Variants in VWCE observed in about 807,000 individuals in gnomAD.
The protein encoded by VWCE is von Willebrand factor C and EGF domains.
In VWCE, 68 loss-of-function variants were observed where a neutral mutation model predicts 102.9. The observed-to-expected ratio is 0.66, with a 90% CI of 0.54 to 0.81. VWCE has a LOEUF of 0.81. Ranked by LOEUF, VWCE falls within the 30% of genes least tolerant of loss-of-function variation. The pLI is 0.00. For synonymous variants in VWCE, 497 were observed against 515.4 expected (o/e 0.96, Z 0.48); for missense variants, 1,137 against 1,263.6 (o/e 0.90, Z 1.52).
At position 61,291,523 on chromosome 11, in the gene VWCE, G is replaced by T; in HGVS notation, c.164C>A (p.Pro55His). The T allele has an allele frequency of 6.6e-7, 1 of 1,511,572 alleles. No individual in the cohort carries two copies. Among genetic ancestry groups the T allele is most frequent in the Non-Finnish European group, 8.9e-7 (1 of 1,124,560 alleles). 93.6% of individuals were successfully genotyped at this position (1,511,572 alleles called of 1,614,324 possible). Residue 55 changes from proline to histidine, a missense_variant, in exon 2 of 20, where the codon CCT becomes CAT. Coordinates refer to ENST00000335613, the MANE Select transcript of VWCE (RefSeq NM_152718.2). Reference sequence around the variant, plus strand: ...ACCACCCATAGAGGGCGCCCAGCCAGGGCAGCAGCCACTCCCAAACCCAGA... The same window carrying T: ...ACCACCCATAGAGGGCGCCCAGCCATGGCAGCAGCCACTCCCAAACCCAGA... ...CLSGFGSGCC[P>H]GWAPSMGGGH...
chr11:61,274,261 T>G (rs1026075285), intron 12 of VWCE, among the ~76,000 whole-genome samples: 4 of 152,114 alleles, frequency 2.6e-5, no homozygotes, highest in Non-Finnish European at 5.9e-5. Flanking sequence ...GGGGCTTCCT[T>G]GTGCTTAGCT....
rs771293463 is a variant in VWCE at position 61,290,856 on chromosome 11, G to A, written c.367C>T (p.Arg123Ter). 6.8e-6 allele frequency: 11 copies of A among 1,612,734 alleles called. No homozygotes were observed. Among genetic ancestry groups the A allele is most frequent in the South Asian group, 2.2e-5 (2 of 91,038 alleles). The part of the protein sequence containing the change: ...CNHGGCQEVA[R>*]VCPVGFSMTE... ...ATCGAGAAGCCCACGGGGCACACTC[G>A]GGCCACCTCCTGACAGCCTCCATGG... is the stretch of plus-strand genomic sequence containing the variant. Residue 123 changes from arginine to a stop codon, truncating the protein, a stop_gained, in exon 4 of 20, where the codon CGA (arginine) becomes TGA (stop). Transcript: ENST00000335613. LOFTEE classifies it high-confidence loss of function.
intron 14 of VWCE, chr11:61,269,428 CCATA>C (rs1854606751): frequency 1.8e-5 from 3 of 165,896 alleles, no homozygotes; most frequent in Non-Finnish European, 3.9e-5. Context: ...AGCCAAAGTG[CCATA>C]CAAGGTTTCT....
intron 9 of VWCE, among the ~76,000 whole-genome samples, chr11:61,278,820 CACAAGGTCA>C (rs1565224804): frequency 6.6e-6 from 1 of 152,122 alleles, no homozygotes. Context: ...GCGGGCAGAC[CACAAGGTCA>C]GGAGTTTGAG....
rs774382110 is a variant in VWCE, at chr11:61,259,301, G to A, written c.2242C>T (p.Pro748Ser). The change falls in exon 20 of 20, where the codon CCT becomes TCT. Residue 748 changes from proline to serine, a missense_variant. By Grantham distance (74) the Pro-to-Ser change is moderately conservative. This residue lies in a region of VWCE where 316 missense variants were observed against 319.3 expected (regional missense o/e 0.99). Coordinates refer to ENST00000335613, the MANE Select transcript of VWCE (RefSeq NM_152718.2). Reference sequence around the variant, plus strand: ...GAGAGCCCCTGCTTTTCTTCCAGAGGAGACAGGGAATCTAGAGAGACGAGG... The same window carrying A: ...GAGAGCCCCTGCTTTTCTTCCAGAGAAGACAGGGAATCTAGAGAGACGAGG... The part of the protein sequence containing the change: ...CCSSCPDSLS[P>S]LEEKQGLSPH... 4.4e-6 allele frequency: 7 copies of A among 1,581,798 alleles called. No individual in the cohort carries two copies. The highest frequency in any genetic ancestry group is 6.0e-6 in the Non-Finnish European group (7 of 1,163,394).
intron 9 of VWCE, among the ~76,000 whole-genome samples, chr11:61,279,603 T>C (rs1590640301): frequency 3.9e-5 from 6 of 151,966 alleles, no homozygotes; most frequent in African/African-American, 1.4e-4. Context: ...AACCAGTGCA[T>C]TTCCATTTTA....
chr11:61,281,767 G>T lies in VWCE; in HGVS notation c.787+19C>A. 3.8e-6 allele frequency: 6 copies of T among 1,599,204 alleles called. No individual in the cohort carries two copies. The highest frequency in any genetic ancestry group is 5.1e-6 in the Non-Finnish European group (6 of 1,170,648). ...AGGGGGCGTGGCCAGCCGCCGGGAT[G>T]GAGGGGCCTGGCGCTCACCTTCACA... On this transcript the variant is annotated intron_variant, in intron 7 of 19. Coordinates refer to ENST00000335613, the MANE Select transcript of VWCE (RefSeq NM_152718.2).
intron 10 of VWCE, 77 bp downstream of exon 10, chr11:61,278,317 G>A (rs142080170): frequency 2.2e-5 from 33 of 1,489,314 alleles, no homozygotes; most frequent in East Asian, 9.1e-5. Context: ...TTTAACATCC[G>A]GTCTTTTCCC....
Position 61,258,826 on chromosome 11 carries a change from G to T in VWCE, c.2717C>A (p.Pro906His), listed in dbSNP as rs1337659911. ...GGTGATGGGGGTCTTCGAGGGGCTG[G>T]GGTCCATCATGGAAAGTGCTGAAGC... ...TEASALSMMDPSPSKTPITLL... is the reference protein window; with the variant it reads ...TEASALSMMDHSPSKTPITLL... Residue 906 changes from proline to histidine, a missense_variant, in exon 20 of 20, where the codon CCC becomes CAC. By Grantham distance (77) the Pro-to-His change is moderately conservative. Coordinates refer to ENST00000335613, the MANE Select transcript of VWCE (RefSeq NM_152718.2). 4.6e-6 allele frequency: 7 copies of T among 1,510,786 alleles called. No homozygotes were observed. The highest frequency in any genetic ancestry group is 6.2e-6 in the Non-Finnish European group (7 of 1,131,626). 93.6% of individuals were successfully genotyped at this position (1,510,786 alleles called of 1,614,324 possible). A position where few individuals can be genotyped will look rare whatever the true frequency, so the allele number is the denominator to read the frequency against.
intron 19 of VWCE, among the ~76,000 whole-genome samples, chr11:61,260,344 G>A (rs550950260): frequency 6.6e-6 from 1 of 152,282 alleles, no homozygotes; most frequent in South Asian, 2.1e-4. Context: ...TGCAAACATG[G>A]CTCACTGTAC....
chr11:61,261,241 G>A (rs1020628588), intron 19 of VWCE, among the ~76,000 whole-genome samples: 2 of 151,324 alleles, frequency 1.3e-5, no homozygotes, highest in African/African-American at 4.9e-5. Flanking sequence ...AGAAGAAAGA[G>A]TATCGAAGGT....
chr11:61,271,995 T>C (rs1021253396), intron 13 of VWCE, among the ~76,000 whole-genome samples: 1 of 152,062 alleles, frequency 6.6e-6, no homozygotes, highest in African/African-American at 2.4e-5. Context: ...ATACCATTCA[T>C]GCACAGAGAC....
chr11:61,290,687 T>C (rs1043439414), intron 4 of VWCE, 112 bp downstream of exon 4: 52 of 1,261,648 alleles, frequency 4.1e-5, no homozygotes, highest in Non-Finnish European at 5.4e-5. Context: ...TCAGAGCCTA[T>C]CTTGGCTCAG....
chr11:61,290,951 A>G, intron 3 of VWCE, 24 bp from the exon 4 acceptor site: 1 of 1,606,476 alleles, frequency 6.2e-7, no homozygotes, highest in Non-Finnish European at 8.5e-7. Context: ...CACACCAGTG[A>G]GCATGCACCC....
At chr11:61,271,837 G>C in intron 13 of VWCE, 77 bp from the exon 14 acceptor site, 1 of 1,279,436 alleles carries the variant, frequency 7.8e-7, no homozygotes, top group South Asian at 1.3e-5. Flanking sequence ...TGCCTCATGC[G>C]CACAAACACA....
At chr11:61,287,881 C>T (rs887264182) in intron 4 of VWCE, among the ~76,000 whole-genome samples, 7 of 151,944 alleles carry the variant, frequency 4.6e-5, no homozygotes, top group African/African-American at 7.3e-5. Flanking sequence ...TAAGGCCAGG[C>T]GCAGTGGCTC....
chr11:61,278,230 CT>C (rs1471679238), intron 10 of VWCE, among the ~76,000 whole-genome samples, 163 bp downstream of exon 10: 9 of 152,178 alleles, frequency 5.9e-5, no homozygotes, highest in Non-Finnish European at 4.4e-5. Context: ...TTACACTTCC[CT>C]CCCCCTTTTA....
Position 61,288,298 on chromosome 11 carries a change from C to T in VWCE, c.425-1868G>A, listed in dbSNP as rs372359055. ...AGACAGATTTCCCCAAATCATGCTT[C>T]ATGCCATCCCTTCCCTGCCAAAGAT... On this transcript the variant is annotated intron_variant, in intron 4 of 19. Transcript: ENST00000335613. 9.9e-5 allele frequency among the ~76,000 whole-genome samples: 15 copies of T among 152,100 alleles called. No individual in the cohort carries two copies. In the South Asian group the frequency reaches 1.7e-3, roughly 17 times the overall value.
At chr11:61,265,086 G>A (rs780329375) in intron 17 of VWCE, 36 bp downstream of exon 17, 13 of 1,613,578 alleles carry the variant, frequency 8.1e-6, no homozygotes, top group Admixed American at 5.0e-5. Context: ...AGGCCTGGCC[G>A]GGAACCTGGC....
Sources: gnomAD v4.1 joint callset for allele counts (sites outside exome capture counted in the v4.1 genomes callset) on GRCh38, gnomAD v4.1.1 for gene constraint, gnomAD v4.1.1 regional missense constraint, MANE v1.5 for transcripts, NCBI Gene and HGNC (gene_info 2026-07-23, HGNC 2026-07-21) for gene names.